Variants in RBM6 observed in about 807,000 individuals in gnomAD.
RBM6 encodes the protein RNA-binding protein 6.
In RBM6, 23 loss-of-function variants were observed where a neutral mutation model predicts 140.4. The observed-to-expected ratio is 0.16, with a 90% CI of 0.12 to 0.23. RBM6 has a LOEUF of 0.23. Among genes scored for constraint, RBM6 ranks in the 10% least tolerant of loss-of-function variants. The pLI is 1.00. For synonymous variants in RBM6, 439 were observed against 475.6 expected (o/e 0.92, Z 1.00); for missense variants, 1,139 against 1,386.7 (o/e 0.82, Z 2.84).
chr3:49,991,173 G>A (rs1190973357), intron 5 of RBM6, among the ~76,000 whole-genome samples: 1 of 152,144 alleles, frequency 6.6e-6, no homozygotes, highest in Non-Finnish European at 1.5e-5. Flanking sequence ...GATACAATTA[G>A]CCAGATGAGG....
At chr3:50,028,576 G>A (rs1409365927) in intron 6 of RBM6, among the ~76,000 whole-genome samples, 1 of 152,138 alleles carries the variant, frequency 6.6e-6, no homozygotes, top group Non-Finnish European at 1.5e-5. Context: ...GGGTAGTTCA[G>A]GGTAATCTTA....
At chr3:49,950,469 G>A (rs59325781) in intron 1 of RBM6, among the ~76,000 whole-genome samples, 3,457 of 152,100 alleles carry the variant, frequency 0.023, 130 homozygotes, top group African/African-American at 0.079. Context: ...AAGAGTGAAA[G>A]GCAAGGCCAG....
chr3:49,955,156 C>CTTTGTTTTTTTTTTTTTTTTT (rs1575535401), intron 1 of RBM6, among the ~76,000 whole-genome samples: 1 of 70,174 alleles, frequency 1.4e-5, no homozygotes, highest in Non-Finnish European at 2.7e-5. Context: ...ATTTTTTTTT[C>CTTTGTTTTTTTTTTTTTTTTT]TTTCTTTTTT....
chr3:49,992,196 C>A (rs1391689590), intron 5 of RBM6, among the ~76,000 whole-genome samples: 1 of 152,146 alleles, frequency 6.6e-6, no homozygotes, highest in Non-Finnish European at 1.5e-5. Flanking sequence ...AAGCGATCCT[C>A]TTGCCTCAGC....
chr3:49,966,982 A>T (rs577443708), intron 2 of RBM6, among the ~76,000 whole-genome samples: 23 of 152,286 alleles, frequency 1.5e-4, no homozygotes, highest in African/African-American at 5.5e-4. Flanking sequence ...TGTATCTGTA[A>T]TAAAATATTT....
intron 1 of RBM6, among the ~76,000 whole-genome samples, chr3:49,955,462 A>T (rs1166282139): frequency 2.0e-5 from 3 of 151,848 alleles, no homozygotes; most frequent in Non-Finnish European, 4.4e-5. Flanking sequence ...CAGTGGCATG[A>T]TCTTGGCTCA....
intron 6 of RBM6, among the ~76,000 whole-genome samples, chr3:50,021,238 A>G (rs762811559): frequency 1.3e-5 from 2 of 152,198 alleles, no homozygotes; most frequent in Non-Finnish European, 2.9e-5. Flanking sequence ...AGATTTTTCT[A>G]TGCATGTATC....
At chr3:49,941,101 C>G (rs946298654) in intron 1 of RBM6, 3 of 152,014 alleles carry the variant, frequency 2.0e-5, no homozygotes, top group Admixed American at 6.6e-5. Flanking sequence ...TTTCCACCTT[C>G]CTATTGAGAA....
chr3:49,994,644 T>C (rs2085985149), intron 5 of RBM6, among the ~76,000 whole-genome samples: 1 of 147,444 alleles, frequency 6.8e-6, no homozygotes, highest in Non-Finnish European at 1.5e-5. Flanking sequence ...AAATAATACT[T>C]TTTGTTTGGA....
chr3:49,965,485 C>T lies in RBM6; in HGVS notation c.45-1985C>T, dbSNP rs372465776. Reference sequence around the variant, plus strand: ...GAGATCAAGACCATCCTGGCTAACACGGTGAAACCCCGCCTCTACAAAAAA... The same window carrying T: ...GAGATCAAGACCATCCTGGCTAACATGGTGAAACCCCGCCTCTACAAAAAA... On this transcript the variant is annotated intron_variant, in intron 2 of 20. Coordinates refer to ENST00000266022, the MANE Select transcript of RBM6 (RefSeq NM_005777.3). Among the ~76,000 whole-genome samples the T allele has an allele frequency of 2.5e-4, 38 of 151,862 alleles. No homozygotes were observed. In the East Asian group the frequency reaches 2.5e-3, roughly 10 times the overall value.
intron 6 of RBM6, among the ~76,000 whole-genome samples, chr3:50,004,550 C>G (rs1291821435): frequency 6.7e-6 from 1 of 149,148 alleles, no homozygotes; most frequent in African/African-American, 2.5e-5. Context: ...TGGACTCAAG[C>G]AATTTACCTA....
In RBM6 at chr3:50,052,986, GGTGTGTGTGTGTGTGTGTGTGTGTGT is replaced by G. The variant is rs57244510; in HGVS notation, c.1633-1324_1633-1299del. Among the ~76,000 whole-genome samples, 27 of 134,748 alleles carry G rather than the reference GGTGTGTGTGTGTGTGTGTGTGTGTGT, an allele frequency of 2.0e-4. No homozygotes were observed. The East Asian group carries it at 2.9e-3, about 15-fold the overall frequency. 88.4% of individuals were successfully genotyped at this position (134,748 alleles called of 152,430 possible). ...TAACAGCCATTTGGCAGTGGGCAGG[GGTGTGTGTGTGTGTGTGTGTGTGTGT>G]GTGTGTGTGTGTGTGTGTGTGTGTT... On this transcript the variant is annotated intron_variant, in intron 7 of 20. Transcript: ENST00000266022.
intron 5 of RBM6, among the ~76,000 whole-genome samples, chr3:49,982,232 G>A (rs1012601129): frequency 4.7e-5 from 7 of 149,716 alleles, no homozygotes; most frequent in Admixed American, 2.7e-4. Context: ...TGTAGCAAAG[G>A]CCCTGTACCT....
At chr3:50,063,764 G>C (rs570661030) in intron 15 of RBM6, among the ~76,000 whole-genome samples, 196 of 152,014 alleles carry the variant, frequency 1.3e-3, no homozygotes, top group African/African-American at 4.5e-3. Context: ...AGCTGGACGT[G>C]GTGGCGCAAG....
intron 5 of RBM6, among the ~76,000 whole-genome samples, chr3:49,982,898 G>A (rs1466173440): frequency 6.6e-6 from 1 of 151,678 alleles, no homozygotes; most frequent in Non-Finnish European, 1.5e-5. Context: ...TTTTAGTAGA[G>A]ACAGGGTTTC....
intron 6 of RBM6, among the ~76,000 whole-genome samples, chr3:50,017,217 A>T (rs967298716): frequency 1.3e-5 from 2 of 152,066 alleles, no homozygotes; most frequent in Non-Finnish European, 2.9e-5. Flanking sequence ...TCTTTTAAAA[A>T]TTTTGTTTTT....
chr3:49,952,014 C>T (rs976130397), intron 1 of RBM6, among the ~76,000 whole-genome samples: 2 of 151,224 alleles, frequency 1.3e-5, no homozygotes, highest in African/African-American at 4.9e-5. Flanking sequence ...AGCCCCCATG[C>T]CCTGCCTTGT....
At chr3:49,969,240 G>A (rs975361162) in intron 3 of RBM6, among the ~76,000 whole-genome samples, 6 of 149,790 alleles carry the variant, frequency 4.0e-5, no homozygotes, top group Non-Finnish European at 7.4e-5. Flanking sequence ...GGCCAGGCTG[G>A]TCTCGAACTC....
At chr3:50,069,965 T>C (rs978150606) in intron 18 of RBM6, among the ~76,000 whole-genome samples, 1 of 152,148 alleles carries the variant, frequency 6.6e-6, no homozygotes, top group Non-Finnish European at 1.5e-5. Context: ...ACTTATTCTT[T>C]CCAAATGTTT....
Sources: allele counts gnomAD v4.1 joint callset (sites outside exome capture counted in the v4.1 genomes callset), GRCh38; gene constraint gnomAD v4.1.1; transcripts MANE v1.5; gene names NCBI Gene and HGNC (gene_info 2026-07-23, HGNC 2026-07-21).